The following PPP1R16B variants were observed in gnomAD, a reference collection of about 807,000 sequenced individuals.
PPP1R16B encodes the protein protein phosphatase 1 regulatory subunit 16B, also known as protein phosphatase 1 regulatory inhibitor subunit 16B.
Under a neutral mutation model 61.7 loss-of-function variants are expected in PPP1R16B, and 14 were observed. The observed-to-expected ratio is 0.23, with a 90% CI of 0.15 to 0.35. The LOEUF (loss-of-function observed/expected upper bound fraction) is 0.35. PPP1R16B is among the 10% of genes least tolerant of loss of function. The pLI is 1.00. For synonymous variants in PPP1R16B, 266 were observed against 305.3 expected (o/e 0.87, Z 1.34); for missense variants, 547 against 752.5 (o/e 0.73, Z 3.19).
At chr20:38,891,747 A>T (rs1277692415) in intron 3 of PPP1R16B, among the ~76,000 whole-genome samples, 1 of 151,826 alleles carries the variant, frequency 6.6e-6, no homozygotes, top group Non-Finnish European at 1.5e-5. Flanking sequence ...GGTTGTAGTG[A>T]GCTGAGATCA....
At chr20:38,878,873 G>A (rs910478670) in intron 2 of PPP1R16B, among the ~76,000 whole-genome samples, 50 of 152,298 alleles carry the variant, frequency 3.3e-4, no homozygotes, top group African/African-American at 1.1e-3. Flanking sequence ...TAAAAATTCA[G>A]GATTGATAGC....
At chr20:38,840,949 T>C (rs771055391) in intron 2 of PPP1R16B, among the ~76,000 whole-genome samples, 2 of 152,200 alleles carry the variant, frequency 1.3e-5, no homozygotes, top group Non-Finnish European at 2.9e-5. Flanking sequence ...ATTGTTGTTA[T>C]TCTACACTAT....
At chr20:38,849,540 T>C (rs2084954099) in intron 2 of PPP1R16B, among the ~76,000 whole-genome samples, 1 of 152,202 alleles carries the variant, frequency 6.6e-6, no homozygotes, top group African/African-American at 2.4e-5. Context: ...TGCCTGTTAG[T>C]ATGACTTAAG....
At chr20:38,835,015 A>G (rs1033822339) in intron 1 of PPP1R16B, among the ~76,000 whole-genome samples, 2 of 152,216 alleles carry the variant, frequency 1.3e-5, no homozygotes, top group African/African-American at 4.8e-5. Context: ...ACCACTGTAT[A>G]CTCATAAGAT....
intron 1 of PPP1R16B, among the ~76,000 whole-genome samples, chr20:38,825,363 T>C (rs1445772880): frequency 2.6e-5 from 4 of 152,232 alleles, no homozygotes; most frequent in African/African-American, 9.6e-5. Flanking sequence ...CCGCAAGTGC[T>C]TTAGAAGATC....
chr20:38,861,936 A>G (rs764478117), intron 2 of PPP1R16B, among the ~76,000 whole-genome samples: 4 of 151,976 alleles, frequency 2.6e-5, no homozygotes, highest in Non-Finnish European at 5.9e-5. Context: ...CGGCCTCCCA[A>G]AGTGCTGGGA....
intron 3 of PPP1R16B, among the ~76,000 whole-genome samples, chr20:38,890,483 C>T (rs936223716): frequency 6.6e-6 from 1 of 152,222 alleles, no homozygotes; most frequent in Non-Finnish European, 1.5e-5. Flanking sequence ...GCACTTGGTG[C>T]TTTCACCCAT....
chr20:38,867,904 C>T (rs2085101030), intron 2 of PPP1R16B, among the ~76,000 whole-genome samples: 1 of 152,210 alleles, frequency 6.6e-6, no homozygotes, highest in African/African-American at 2.4e-5. Context: ...AACTCCCGAC[C>T]TCAGGTGATC....
At chr20:38,825,455 C>T (rs1029649474) in intron 1 of PPP1R16B, among the ~76,000 whole-genome samples, 1 of 152,162 alleles carries the variant, frequency 6.6e-6, no homozygotes, top group African/African-American at 2.4e-5. Flanking sequence ...GGTTAACAAA[C>T]CAGATAGACC....
chr20:38,906,220 C>A, intron 7 of PPP1R16B, 126 bp downstream of exon 7: 1 of 945,020 alleles, frequency 1.1e-6, no homozygotes, highest in Non-Finnish European at 1.5e-6. Flanking sequence ...TTGAATATAG[C>A]TCATATGTGG....
chr20:38,915,514 C>G (rs2085528291), intron 10 of PPP1R16B, among the ~76,000 whole-genome samples: 1 of 152,098 alleles, frequency 6.6e-6, no homozygotes, highest in African/African-American at 2.4e-5. Flanking sequence ...GAGACGGAGT[C>G]TCACTTTATT....
intron 2 of PPP1R16B, among the ~76,000 whole-genome samples, chr20:38,838,662 G>GA (rs1192941747): frequency 6.6e-6 from 1 of 152,226 alleles, no homozygotes; most frequent in Admixed American, 6.5e-5. Context: ...GTTGGGGGCG[G>GA]AAGTTCATCA....
chr20:38,826,931 T>C (rs911972825), intron 1 of PPP1R16B, among the ~76,000 whole-genome samples: 2 of 152,204 alleles, frequency 1.3e-5, no homozygotes, highest in Non-Finnish European at 2.9e-5. Context: ...AAATTATTCA[T>C]GTATTTATTT....
At chr20:38,859,795 A>G (rs535130828) in intron 2 of PPP1R16B, among the ~76,000 whole-genome samples, 2 of 152,002 alleles carry the variant, frequency 1.3e-5, no homozygotes, top group South Asian at 2.1e-4. Flanking sequence ...CTGGCTAGTA[A>G]TTCTTAAATG....
At chr20:38,908,325 TCC>T (rs1249499205) in intron 10 of PPP1R16B, 132 bp downstream of exon 10, 12 of 1,129,644 alleles carry the variant, frequency 1.1e-5, no homozygotes, top group Non-Finnish European at 1.5e-5. Flanking sequence ...AACTAGCATA[TCC>T]AGTCTGATGA....
intron 1 of PPP1R16B, among the ~76,000 whole-genome samples, chr20:38,829,091 C>A (rs769486375): frequency 5.9e-5 from 9 of 152,186 alleles, no homozygotes; most frequent in Non-Finnish European, 2.9e-5. Flanking sequence ...CTGACTCTGT[C>A]TCTCCCTTTG....
Position 38,918,656 on chromosome 20 carries a change from G to A in PPP1R16B, c.1694G>A (p.Arg565His), listed in dbSNP as rs754122824. The change falls in exon 11 of 11, where the codon CGT (arginine) becomes CAT (histidine). Residue 565 changes from arginine (R) to histidine (H), a missense_variant. Transcript: ENST00000299824. The surrounding 1 kb of genome is among the most constrained non-coding windows in gnomAD (Gnocchi z 5.3). Reference sequence around the variant, plus strand: ...GAGGAGAAGGTGCATGGCTGTTGCCGTATCTCCTAGTCTCCGTGTGATGGA... The same window carrying A: ...GAGGAGAAGGTGCATGGCTGTTGCCATATCTCCTAGTCTCCGTGTGATGGA... ...EMEEKVHGCC[R>H]IS The A allele has an allele frequency of 4.6e-6, 7 of 1,510,452 alleles. No homozygotes were observed. The highest frequency in any genetic ancestry group is 2.3e-5 in the East Asian group (1 of 43,914). 93.6% of individuals were successfully genotyped at this position (1,510,452 alleles called of 1,614,324 possible).
chr20:38,836,264 G>A, intron 2 of PPP1R16B, 89 bp downstream of exon 2: 1 of 1,514,464 alleles, frequency 6.6e-7, no homozygotes, highest in Non-Finnish European at 8.8e-7. Flanking sequence ...AGACGTGTGG[G>A]CAAGGCAGGT....
chr20:38,907,969 T>C lies in PPP1R16B; in HGVS notation c.1028+34T>C. The C allele has an allele frequency of 1.2e-6, 2 of 1,613,966 alleles. No homozygotes were observed. Among genetic ancestry groups the C allele is most frequent in the Non-Finnish European group, 1.7e-6 (2 of 1,179,924 alleles). On this transcript the variant is annotated intron_variant, in intron 9 of 10. Transcript: ENST00000299824. This position sits in a 1 kb window ranked among gnomAD's most constrained non-coding sequence, Gnocchi z 4.5. Reference sequence around the variant, plus strand: ...GGGGCAGGGCAGCCAGGAGTCCCTGTGTGTGCTCCTGCCTGTGGTGCCTGG... The same window carrying C: ...GGGGCAGGGCAGCCAGGAGTCCCTGCGTGTGCTCCTGCCTGTGGTGCCTGG...
Sources: allele counts gnomAD v4.1 joint callset (sites outside exome capture counted in the v4.1 genomes callset), GRCh38; gene constraint gnomAD v4.1.1; non-coding constraint Gnocchi (gnomAD v3.1); transcripts MANE v1.5; gene names NCBI Gene and HGNC (gene_info 2026-07-23, HGNC 2026-07-21).